ROS1: variants seen among roughly 807,000 people sequenced by gnomAD.
ROS1 encodes the protein ROS proto-oncogene 1, receptor tyrosine kinase, also known as proto-oncogene tyrosine-protein kinase ROS.
A neutral mutation model predicts 273.5 loss-of-function variants in ROS1; 263 were observed. The observed-to-expected ratio is 0.96, with a 90% CI of 0.87 to 1.06. The LOEUF is 1.06. ROS1 is among the 50% of genes least tolerant of loss of function. The pLI, the probability that ROS1 is intolerant of heterozygous loss-of-function variation, is 0.00. For synonymous variants in ROS1, 1,008 were observed against 954.1 expected, an observed-to-expected ratio of 1.06 and a Z score of -1.04; for missense variants, 2,833 against 2,751.1, an observed-to-expected ratio of 1.03 and a Z score of -0.67.
intron 40 of ROS1, among the ~76,000 whole-genome samples, 182 bp downstream of exon 40, chr6:117,310,838 G>T (rs952126406): frequency 2.0e-5 from 3 of 152,038 alleles, no homozygotes; most frequent in African/African-American, 7.2e-5. Context: ...AAATAGTGAT[G>T]CAATAAACAT....
intron 17 of ROS1, among the ~76,000 whole-genome samples, chr6:117,383,021 T>C (rs1321655360): frequency 6.6e-6 from 1 of 152,122 alleles, no homozygotes; most frequent in Non-Finnish European, 1.5e-5. Flanking sequence ...AAAACAGTTA[T>C]AAATTAAAAT....
At chr6:117,355,351 G>T (rs1262939314) in intron 26 of ROS1, among the ~76,000 whole-genome samples, 1 of 152,052 alleles carries the variant, frequency 6.6e-6, no homozygotes, top group Non-Finnish European at 1.5e-5. Flanking sequence ...TTTCTAAAAG[G>T]CCTCTAAACA....
chr6:117,314,978 A>T (rs1452261868), intron 39 of ROS1, among the ~76,000 whole-genome samples: 1 of 152,182 alleles, frequency 6.6e-6, no homozygotes, highest in Non-Finnish European at 1.5e-5. Flanking sequence ...ATTCCAAAAC[A>T]AAGAGGAACA....
intron 4 of ROS1, among the ~76,000 whole-genome samples, chr6:117,411,378 T>C (rs1388101958): frequency 6.6e-6 from 1 of 151,732 alleles, no homozygotes; most frequent in African/African-American, 2.4e-5. Context: ...CAAGCTTGAG[T>C]TGCCTAGAGA....
intron 26 of ROS1, among the ~76,000 whole-genome samples, chr6:117,355,624 T>C (rs897626765): frequency 3.3e-5 from 5 of 152,018 alleles, no homozygotes; most frequent in Non-Finnish European, 1.5e-5. Context: ...TAGTTTTTTT[T>C]TTTTTGAGAC....
chr6:117,411,868 G>T (rs1174743916), intron 4 of ROS1, among the ~76,000 whole-genome samples: 3 of 152,150 alleles, frequency 2.0e-5, no homozygotes, highest in African/African-American at 7.2e-5. Context: ...GATAATAACT[G>T]AGTGACAAAT....
At chr6:117,346,532 G>A (rs1325449802) in intron 27 of ROS1, among the ~76,000 whole-genome samples, 2 of 151,512 alleles carry the variant, frequency 1.3e-5, no homozygotes, top group Non-Finnish European at 2.9e-5. Context: ...AGGAGGATAT[G>A]TGTGTGTGTC....
At chr6:117,412,623 GA>G (rs1775011829) in intron 4 of ROS1, among the ~76,000 whole-genome samples, 1 of 152,018 alleles carries the variant, frequency 6.6e-6, no homozygotes, top group African/African-American at 2.4e-5. Flanking sequence ...TAGATAGATA[GA>G]TAGATAGATA....
At chr6:117,410,996 T>C (rs1056155314) in intron 4 of ROS1, among the ~76,000 whole-genome samples, 3 of 152,072 alleles carry the variant, frequency 2.0e-5, no homozygotes, top group African/African-American at 7.2e-5. Context: ...TTATATAACA[T>C]GAGGGGTTTT....
intron 6 of ROS1, among the ~76,000 whole-genome samples, chr6:117,404,046 T>C (rs1171731070): frequency 1.3e-5 from 2 of 152,164 alleles, no homozygotes; most frequent in East Asian, 1.9e-4. Context: ...CCATCCTGGC[T>C]AACACGGTGA....
chr6:117,357,560 A>G (rs895615243), intron 25 of ROS1, among the ~76,000 whole-genome samples: 1 of 152,178 alleles, frequency 6.6e-6, no homozygotes, highest in African/African-American at 2.4e-5. Flanking sequence ...AAAATCTGCT[A>G]TTGTTTCCTT....
intron 25 of ROS1, 126 bp from the exon 26 acceptor site, chr6:117,357,041 T>C: frequency 2.6e-6 from 2 of 779,632 alleles, no homozygotes; most frequent in Non-Finnish European, 4.1e-6. Flanking sequence ...GGAGAGAACA[T>C]GGTCAAGTTT....
At chr6:117,411,316 A>C (rs577553187) in intron 4 of ROS1, among the ~76,000 whole-genome samples, 14 of 142,640 alleles carry the variant, frequency 9.8e-5, no homozygotes, top group Non-Finnish European at 1.5e-4. Context: ...CCCGCCCTGA[A>C]CCATGGTGGC....
intron 5 of ROS1, among the ~76,000 whole-genome samples, chr6:117,408,257 ACCATC>A (rs548215289): frequency 0.019 from 2,886 of 152,006 alleles, 41 homozygotes; most frequent in Non-Finnish European, 0.028. Context: ...AAAAGAAACT[ACCATC>A]AGACTGAACA....
At chr6:117,419,178 T>A (rs572669222) in intron 1 of ROS1, among the ~76,000 whole-genome samples, 1 of 152,182 alleles carries the variant, frequency 6.6e-6, no homozygotes, top group Non-Finnish European at 1.5e-5. Context: ...TCACTGAGCA[T>A]GCTCCTGCTT....
At chr6:117,372,826 C>T (rs1357289019) in intron 18 of ROS1, among the ~76,000 whole-genome samples, 1 of 152,212 alleles carries the variant, frequency 6.6e-6, no homozygotes, top group Non-Finnish European at 1.5e-5. Context: ...AAAGCTTCTA[C>T]ACTGTGGAAA....
rs2128726291 is a variant in ROS1 at position 117,404,292 on chromosome 6, C to T, written c.453G>A (p.Trp151Ter). The change falls in exon 6 of 44, where the codon TGG (tryptophan) becomes TGA (stop). Residue 151 changes from tryptophan (W) to a stop codon, truncating the protein, a stop_gained. Coordinates refer to ENST00000368507, the MANE Select transcript of ROS1 (RefSeq NM_001378902.1). LOFTEE classifies it high-confidence loss of function. The part of the protein sequence containing the change: ...QWKYAQLLGS[W>*]TYTKTVSRPS... ...CAGCCTTTCATACCTTAGTATAAGT[C>T]CAGCTTCCCAGAAGTTGTGCATATT... 1 of 1,613,860 alleles carries T rather than the reference C, an allele frequency of 6.2e-7. No homozygotes were observed. The highest frequency in any genetic ancestry group is 8.5e-7 in the Non-Finnish European group (1 of 1,179,908).
At chr6:117,408,342 A>G (rs975638533) in intron 5 of ROS1, among the ~76,000 whole-genome samples, 15 of 152,210 alleles carry the variant, frequency 9.9e-5, no homozygotes, top group African/African-American at 3.4e-4. Flanking sequence ...TCCAGAATCT[A>G]CAACGAACTC....
rs780387866 is a variant in ROS1 at position 117,389,748 on chromosome 6, G to A, written c.1388C>T (p.Thr463Met). The stretch of plus-strand genomic sequence containing the variant: ...TGGCTTGATTGCAAAGTCCTTTAAC[G>A]TGCAACTCTCCACAATACGCACAGC... Reference protein sequence around the residue: ...AEAVRIVESCTLKDFAIKPQA... With the variant: ...AEAVRIVESCMLKDFAIKPQA... Residue 463 changes from threonine to methionine, a missense_variant, in exon 13 of 44, where the codon ACG becomes ATG. Thr to Met is a moderately conservative substitution (Grantham distance 81). Coordinates refer to ENST00000368507, the MANE Select transcript of ROS1 (RefSeq NM_001378902.1). 15 of 1,613,956 alleles carry A rather than the reference G, an allele frequency of 9.3e-6. No individual in the cohort carries two copies. Among genetic ancestry groups the A allele is most frequent in the Middle Eastern group, 1.6e-4 (1 of 6,084 alleles).
Sources: allele counts gnomAD v4.1 joint callset (sites outside exome capture counted in the v4.1 genomes callset), GRCh38; gene constraint gnomAD v4.1.1; transcripts MANE v1.5; gene names NCBI Gene and HGNC (gene_info 2026-07-23, HGNC 2026-07-21).